Variants in RAPGEF1 observed in about 807,000 individuals in gnomAD.
RAPGEF1 encodes CRK SH3-binding GNRP.
A neutral mutation model predicts 143.3 loss-of-function variants in RAPGEF1; 33 were observed. The observed-to-expected ratio is 0.23, with a 90% CI of 0.17 to 0.31. The LOEUF (loss-of-function observed/expected upper bound fraction) is 0.31, where lower values mean the gene tolerates loss of function less well. Ranked by LOEUF, RAPGEF1 falls within the 10% of genes least tolerant of loss-of-function variation. The pLI, the probability that RAPGEF1 is intolerant of heterozygous loss-of-function variation, is 1.00. For synonymous variants in RAPGEF1, 629 were observed against 676.5 expected (o/e 0.93, Z 1.09); for missense variants, 1,199 against 1,645.4 (o/e 0.73, Z 4.69).
rs918682753 is a variant in RAPGEF1 at position 131,656,957 on chromosome 9, A to T, written c.62-6008T>A. 2.0e-5 allele frequency among the ~76,000 whole-genome samples: 3 copies of T among 152,272 alleles called. No homozygotes were observed. The South Asian group carries it at 6.2e-4, about 31-fold the overall frequency. ...ACAGCCAGCTCTAGCACAAGAAGCC[A>T]TAAATCAGGCAGAGAGAAGAGATTC... On this transcript the variant is annotated intron_variant, in intron 1 of 26. Transcript: ENST00000683357.
chr9:131,613,866 A>G (rs1958438775), intron 12 of RAPGEF1, among the ~76,000 whole-genome samples: 1 of 152,202 alleles, frequency 6.6e-6, no homozygotes, highest in Non-Finnish European at 1.5e-5. Context: ...ACAGACTGGT[A>G]GACCACACCC....
chr9:131,700,341 A>ATCAC (rs1294400644), intron 1 of RAPGEF1, among the ~76,000 whole-genome samples: 1 of 151,974 alleles, frequency 6.6e-6, no homozygotes, highest in East Asian at 1.9e-4. Context: ...CTTATTTCTG[A>ATCAC]TCACTCTCCC....
chr9:131,625,990 A>C lies in RAPGEF1; in HGVS notation c.1634T>G (p.Phe545Cys). The change falls in exon 10 of 27, where the codon TTT becomes TGT. Residue 545 changes from phenylalanine to cysteine, a missense_variant. Physicochemically the swap from Phe to Cys is radical, Grantham distance 205 (BLOSUM62 -2). Transcript: ENST00000683357. ...GTCACCGGTTGACTCAGGAGCAGTA[A>C]AATCACCCACAAATTCGACAGGGGC... ...SSAPVEFVGD[F>C]TAPESTGDPE... 6.2e-7 allele frequency: 1 copy of C among 1,609,040 alleles called. No homozygotes were observed. Among genetic ancestry groups the C allele is most frequent in the Non-Finnish European group, 8.5e-7 (1 of 1,175,660 alleles).
chr9:131,660,701 C>G (rs1032387790), intron 1 of RAPGEF1, among the ~76,000 whole-genome samples: 1 of 152,144 alleles, frequency 6.6e-6, no homozygotes, highest in Non-Finnish European at 1.5e-5. Context: ...GTCAAACTGC[C>G]CCCCACTGAG....
chr9:131,668,514 G>A (rs1458219322), intron 1 of RAPGEF1, among the ~76,000 whole-genome samples: 1 of 152,032 alleles, frequency 6.6e-6, no homozygotes, highest in Admixed American at 6.5e-5. Flanking sequence ...CGAGTCACAC[G>A]GTAGTCATGG....
At chr9:131,702,384 G>C (rs1357580678) in intron 1 of RAPGEF1, among the ~76,000 whole-genome samples, 1 of 152,196 alleles carries the variant, frequency 6.6e-6, no homozygotes, top group East Asian at 1.9e-4. Flanking sequence ...ATGAGATTGA[G>C]TCAAGCCCAA....
intron 1 of RAPGEF1, among the ~76,000 whole-genome samples, chr9:131,705,038 C>T (rs923683552): frequency 6.6e-6 from 1 of 152,212 alleles, no homozygotes; most frequent in Non-Finnish European, 1.5e-5. Flanking sequence ...TACCTATTTT[C>T]ATTCTCCAGT....
intron 11 of RAPGEF1, among the ~76,000 whole-genome samples, chr9:131,619,534 G>T (rs1037275185): frequency 5.3e-5 from 8 of 152,168 alleles, no homozygotes; most frequent in Admixed American, 5.2e-4. Flanking sequence ...TGTGGGGAGT[G>T]GATCCATGTG....
chr9:131,603,084 T>C (rs1366259840), intron 14 of RAPGEF1, among the ~76,000 whole-genome samples: 1 of 152,160 alleles, frequency 6.6e-6, no homozygotes, highest in Non-Finnish European at 1.5e-5. Context: ...GAGTGGACAC[T>C]CTTCAATGTT....
rs140740923 is a variant in RAPGEF1 at position 131,615,852 on chromosome 9, G to A, written c.2061+3199C>T. Among the ~76,000 whole-genome samples, 300 of 152,140 alleles carry A rather than the reference G, an allele frequency of 2.0e-3. 2 individuals carry two copies. The highest frequency in any genetic ancestry group is 6.8e-3 in the Middle Eastern group (2 of 294). Reference sequence around the variant, plus strand: ...GCCCCCACGACCCTGTCCTTGCTCCGCCACCCACAAGGTTTCTATGCCTAC... The same window carrying A: ...GCCCCCACGACCCTGTCCTTGCTCCACCACCCACAAGGTTTCTATGCCTAC... On this transcript the variant is annotated intron_variant, in intron 12 of 26. Transcript: ENST00000683357.
chr9:131,709,546 T>C lies in RAPGEF1; in HGVS notation c.61+30224A>G. The C allele has an allele frequency of 2.8e-6, 4 of 1,428,798 alleles. No individual in the cohort carries two copies. The South Asian group carries it at 4.6e-5, about 17-fold the overall frequency. The allele number at this position is 1,428,798 out of a possible 1,614,324, so 88.5% of individuals were successfully genotyped here. On this transcript the variant is annotated intron_variant, in intron 1 of 26. Transcript: ENST00000683357. The stretch of plus-strand genomic sequence containing the variant: ...GGTGATTCCCCAGGCACTTCAGCTC[T>C]GCTGCTGGGCCAGTCTCTCAGAGAA...
At chr9:131,709,729 C>T in intron 1 of RAPGEF1, 1 of 1,613,132 alleles carries the variant, frequency 6.2e-7, no homozygotes, top group Non-Finnish European at 8.5e-7. Context: ...CAGCGTCTTT[C>T]CGGAGCAGCA....
In RAPGEF1 at chr9:131,699,399, C is replaced by G. The variant is rs558273345; in HGVS notation, c.61+40371G>C. Among the ~76,000 whole-genome samples, 12 of 152,252 alleles carry G rather than the reference C, an allele frequency of 7.9e-5. No homozygotes were observed. In the South Asian group the frequency reaches 1.9e-3, roughly 24 times the overall value. On this transcript the variant is annotated intron_variant, in intron 1 of 26. Transcript: ENST00000683357. ...AGCAGGGATTACAGGCATGTGCCAC[C>G]ATGCCTGGCTAATTTTGTATTTTTA...
At position 131,579,542 on chromosome 9, in the gene RAPGEF1, G is replaced by C; in HGVS notation, c.3747C>G (p.Pro1249=). The change falls in exon 27 of 27, where the codon CCC becomes CCG. Residue 1249 remains proline, a synonymous_variant. Transcript: ENST00000683357. ...ALWELSLKIK[P]RNITRRKTDR... ...CTGTTTTTCTCCTTGTTATGTTCCT[G>C]GGTTTAATTTTCAGAGACAGTTCCC... is the stretch of plus-strand genomic sequence containing the variant. 1 of 1,614,040 alleles carries C rather than the reference G, an allele frequency of 6.2e-7. No individual in the cohort carries two copies. Among genetic ancestry groups the C allele is most frequent in the South Asian group, 1.1e-5 (1 of 91,086 alleles).
chr9:131,720,895 C>T (rs1485275371), intron 1 of RAPGEF1, among the ~76,000 whole-genome samples: 2 of 152,126 alleles, frequency 1.3e-5, no homozygotes, highest in Admixed American at 1.3e-4. Context: ...TACTAATATC[C>T]CTTTTATCCA....
intron 1 of RAPGEF1, among the ~76,000 whole-genome samples, chr9:131,700,710 T>C (rs955918481): frequency 1.3e-5 from 2 of 152,196 alleles, no homozygotes; most frequent in African/African-American, 4.8e-5. Flanking sequence ...CCTTCCACTG[T>C]CTGTTTTCTC....
intron 1 of RAPGEF1, among the ~76,000 whole-genome samples, chr9:131,728,634 G>A (rs1836824760): frequency 6.6e-6 from 1 of 152,086 alleles, no homozygotes; most frequent in African/African-American, 2.4e-5. Flanking sequence ...CTACTCCCTG[G>A]ACTTCAGCTT....
intron 1 of RAPGEF1, among the ~76,000 whole-genome samples, chr9:131,658,399 C>CTCAACT (rs1973105662): frequency 6.6e-6 from 1 of 152,164 alleles, no homozygotes; most frequent in Admixed American, 6.5e-5. Flanking sequence ...TCTATCTAAT[C>CTCAACT]TGTGAGAGCA....
chr9:131,616,152 C>G (rs1958971308), intron 12 of RAPGEF1, among the ~76,000 whole-genome samples: 1 of 152,086 alleles, frequency 6.6e-6, no homozygotes, highest in South Asian at 2.1e-4. Flanking sequence ...GCTGTAATCC[C>G]AGCTACTCCG....
Sources: allele counts gnomAD v4.1 joint callset (sites outside exome capture counted in the v4.1 genomes callset), GRCh38; gene constraint gnomAD v4.1.1; transcripts MANE v1.5; gene names NCBI Gene and HGNC (gene_info 2026-07-23, HGNC 2026-07-21).